Variants in MSRA observed in about 807,000 individuals in gnomAD.
MSRA encodes mitochondrial peptide methionine sulfoxide reductase.
MSRA carries 54 observed loss-of-function variants against 31.3 expected under a neutral mutation model. The ratio of observed to expected loss-of-function variants is 1.73; its 90% CI spans 1.39 to 2.17. The LOEUF (loss-of-function observed/expected upper bound fraction) is 2.17, where lower values mean the gene tolerates loss of function less well. Ranked by LOEUF, MSRA falls within the 30% of genes most tolerant of loss-of-function variation. The probability of loss-of-function intolerance (pLI) is 0.00; values close to 1 mark genes in which losing one functional copy is unlikely to be tolerated. For synonymous variants in MSRA, 169 were observed against 116.5 expected, an observed-to-expected ratio of 1.45 and a Z score of -2.90; for missense variants, 507 against 300.9, an observed-to-expected ratio of 1.69 and a Z score of -5.07.
At chr8:10,075,523 A>G (rs1797957377) in intron 1 of MSRA, among the ~76,000 whole-genome samples, 1 of 152,212 alleles carries the variant, frequency 6.6e-6, no homozygotes, top group South Asian at 2.1e-4. Flanking sequence ...TTTATGGAAG[A>G]GAAGTGTTTC....
chr8:10,189,468 G>C (rs1048335483), intron 1 of MSRA, among the ~76,000 whole-genome samples: 1 of 152,268 alleles, frequency 6.6e-6, no homozygotes, highest in Non-Finnish European at 1.5e-5. Context: ...AAAGTATGAT[G>C]CAGCTGTAGC....
chr8:10,089,252 C>T (rs917212649), intron 1 of MSRA, among the ~76,000 whole-genome samples: 1 of 152,128 alleles, frequency 6.6e-6, no homozygotes, highest in Non-Finnish European at 1.5e-5. Context: ...CGTTGTCAAA[C>T]TCAAAAATAC....
intron 5 of MSRA, chr8:10,353,528 C>A: frequency 2.2e-6 from 1 of 446,408 alleles, no homozygotes; most frequent in Non-Finnish European, 4.5e-6. Context: ...TGGTCCCCTG[C>A]AGAGCACGAC....
chr8:10,079,875 A>G (rs1390519255), intron 1 of MSRA, among the ~76,000 whole-genome samples: 2 of 152,116 alleles, frequency 1.3e-5, no homozygotes, highest in African/African-American at 2.4e-5. Flanking sequence ...CTATTTACCT[A>G]ACTTCTCTGT....
chr8:10,121,097 C>A (rs945226103), intron 1 of MSRA, among the ~76,000 whole-genome samples: 7 of 152,042 alleles, frequency 4.6e-5, no homozygotes, highest in Non-Finnish European at 7.3e-5. Context: ...ACAGATAAGA[C>A]AGCTCCTCAT....
At chr8:10,258,156 A>G (rs1798280916) in intron 3 of MSRA, among the ~76,000 whole-genome samples, 1 of 152,196 alleles carries the variant, frequency 6.6e-6, no homozygotes, top group African/African-American at 2.4e-5. Context: ...AGATTATCTG[A>G]CTTGTGTAAA....
intron 5 of MSRA, among the ~76,000 whole-genome samples, chr8:10,391,797 G>A (rs796234423): frequency 3.3e-5 from 5 of 152,206 alleles, no homozygotes; most frequent in Admixed American, 3.3e-4. Flanking sequence ...TTTGTCCCAC[G>A]TGAAGGGCAG....
intron 1 of MSRA, among the ~76,000 whole-genome samples, chr8:10,162,616 C>T (rs1804762477): frequency 6.6e-6 from 1 of 152,164 alleles, no homozygotes; most frequent in Non-Finnish European, 1.5e-5. Context: ...ACAGGGGAAA[C>T]CCGTAGCTCT....
intron 2 of MSRA, among the ~76,000 whole-genome samples, chr8:10,239,149 A>G (rs1179398713): frequency 1.3e-5 from 2 of 152,130 alleles, no homozygotes; most frequent in Non-Finnish European, 1.5e-5. Flanking sequence ...AGTGGTGATT[A>G]GCTATGTATA....
chr8:10,344,274 A>C lies in MSRA; in HGVS notation c.543+24285A>C, dbSNP rs1326661226. Among the ~76,000 whole-genome samples, 3 of 152,204 alleles carry C rather than the reference A, an allele frequency of 2.0e-5. No individual in the cohort carries two copies. In the South Asian group the frequency reaches 6.2e-4, roughly 32 times the overall value. ...GATCTCTCAGCAGCTGTTCACCTCTAATGGTGGACTATAGAGTGGTGGCTG... is the reference window on the plus strand; with the variant it reads ...GATCTCTCAGCAGCTGTTCACCTCTCATGGTGGACTATAGAGTGGTGGCTG... On this transcript the variant is annotated intron_variant, in intron 5 of 5. Coordinates refer to ENST00000317173, the MANE Select transcript of MSRA (RefSeq NM_012331.5).
chr8:10,129,353 G>T (rs1256839685), intron 1 of MSRA, among the ~76,000 whole-genome samples: 1 of 152,072 alleles, frequency 6.6e-6, no homozygotes, highest in African/African-American at 2.4e-5. Flanking sequence ...AAATGGACTT[G>T]ACCTGAAAAA....
chr8:10,086,877 G>GGAGAGA (rs1271288749), intron 1 of MSRA, among the ~76,000 whole-genome samples: 2 of 150,380 alleles, frequency 1.3e-5, no homozygotes, highest in Non-Finnish European at 3.0e-5. Context: ...GGAGGGAGAG[G>GGAGAGA]GAGAGAGAGA....
At chr8:10,120,389 G>GC (rs1402775434) in intron 1 of MSRA, among the ~76,000 whole-genome samples, 2 of 152,108 alleles carry the variant, frequency 1.3e-5, no homozygotes, top group Non-Finnish European at 1.5e-5. Flanking sequence ...CCTGTAATTT[G>GC]CCCATCCGTG....
intron 1 of MSRA, among the ~76,000 whole-genome samples, chr8:10,085,385 A>G (rs1798509382): frequency 6.6e-6 from 1 of 152,186 alleles, no homozygotes; most frequent in Non-Finnish European, 1.5e-5. Context: ...CGTGCTCAAG[A>G]AAGTGCCTAT....
At chr8:10,185,041 C>T (rs1806896251) in intron 1 of MSRA, among the ~76,000 whole-genome samples, 1 of 152,214 alleles carries the variant, frequency 6.6e-6, no homozygotes, top group Non-Finnish European at 1.5e-5. Flanking sequence ...TTTCCTCATG[C>T]CTTCTGCTTT....
chr8:10,272,423 T>C (rs1194897604), intron 3 of MSRA, among the ~76,000 whole-genome samples: 1 of 152,110 alleles, frequency 6.6e-6, no homozygotes, highest in Non-Finnish European at 1.5e-5. Context: ...AGGAAAAAAA[T>C]CAGTGTCTCA....
At chr8:10,064,592 G>A (rs947189411) in intron 1 of MSRA, among the ~76,000 whole-genome samples, 2 of 152,146 alleles carry the variant, frequency 1.3e-5, no homozygotes, top group South Asian at 2.1e-4. Context: ...CAAAATTTAG[G>A]AACATCGGAT....
At chr8:10,211,573 A>G in intron 2 of MSRA, among the ~76,000 whole-genome samples, 1 of 152,154 alleles carries the variant, frequency 6.6e-6, no homozygotes, top group East Asian at 1.9e-4. Context: ...TGTTCCTGGT[A>G]GCTGTGAGTG....
chr8:10,240,781 C>T (rs1812341243), intron 2 of MSRA, among the ~76,000 whole-genome samples: 1 of 152,082 alleles, frequency 6.6e-6, no homozygotes, highest in Non-Finnish European at 1.5e-5. Flanking sequence ...TGGAGCTGCC[C>T]TGCATTTCCA....
Sources: allele counts gnomAD v4.1 joint callset (sites outside exome capture counted in the v4.1 genomes callset), GRCh38; gene constraint gnomAD v4.1.1; transcripts MANE v1.5; gene names NCBI Gene and HGNC (gene_info 2026-07-23, HGNC 2026-07-21).